CDH10: variants seen among roughly 807,000 people sequenced by gnomAD.
The protein encoded by CDH10 is cadherin 10.
In CDH10, 30 loss-of-function variants were observed where a neutral mutation model predicts 73.1. The ratio of observed to expected loss-of-function variants is 0.41; its 90% CI spans 0.31 to 0.56. CDH10 has a LOEUF of 0.56. CDH10 is among the 20% of genes least tolerant of loss of function. The pLI is 0.27. For missense variants in CDH10, 815 were observed against 973.7 expected (o/e 0.84, Z 2.17); for synonymous variants, 345 against 348.2 (o/e 0.99, Z 0.10).
chr5:24,518,413 T>C (rs1446181006), intron 5 of CDH10, among the ~76,000 whole-genome samples: 1 of 151,994 alleles, frequency 6.6e-6, no homozygotes, highest in Non-Finnish European at 1.5e-5. Context: ...ATACACATAT[T>C]CACATATGTA....
chr5:24,520,836 C>T (rs563328886), intron 5 of CDH10, among the ~76,000 whole-genome samples: 1 of 152,074 alleles, frequency 6.6e-6, no homozygotes, highest in Non-Finnish European at 1.5e-5. Flanking sequence ...AAGCAATTCT[C>T]CCATCTCAGT....
At position 24,530,747 on chromosome 5, in the gene CDH10, A is replaced by G. The variant is rs139396386; in HGVS notation, c.814+4365T>C. ...AGAGTAGAAAATACTTTTAGATATC[A>G]GGATTTAGGTATTAGATATTAGGAT... On this transcript the variant is annotated intron_variant, in intron 5 of 11. Transcript: ENST00000264463. Among the ~76,000 whole-genome samples, 4 of 152,146 alleles carry G rather than the reference A, an allele frequency of 2.6e-5. No homozygotes were observed. In the East Asian group the frequency reaches 5.8e-4, roughly 22 times the overall value.
chr5:24,589,837 C>T (rs1746140835), intron 2 of CDH10, among the ~76,000 whole-genome samples: 1 of 151,992 alleles, frequency 6.6e-6, no homozygotes, highest in South Asian at 2.1e-4. Flanking sequence ...TTTATAATCG[C>T]AATGTTCCTT....
chr5:24,555,576 T>TG (rs1744736733), intron 2 of CDH10, among the ~76,000 whole-genome samples: 1 of 152,122 alleles, frequency 6.6e-6, no homozygotes, highest in Admixed American at 6.6e-5. Flanking sequence ...GATCATATAG[T>TG]GGGTCAGTAT....
intron 5 of CDH10, among the ~76,000 whole-genome samples, chr5:24,518,487 G>C (rs1743191932): frequency 6.6e-6 from 1 of 152,000 alleles, no homozygotes; most frequent in Non-Finnish European, 1.5e-5. Context: ...GTAAATATAT[G>C]AGTGTATATA....
At chr5:24,599,541 A>G (rs1746490562) in intron 1 of CDH10, among the ~76,000 whole-genome samples, 2 of 152,210 alleles carry the variant, frequency 1.3e-5, no homozygotes, top group African/African-American at 4.8e-5. Context: ...TATGCACTTT[A>G]GTGTGTTCAA....
intron 5 of CDH10, among the ~76,000 whole-genome samples, chr5:24,521,173 C>T (rs946661202): frequency 1.1e-4 from 17 of 152,088 alleles, no homozygotes; most frequent in African/African-American, 3.4e-4. Context: ...TAGCTGAATC[C>T]GATCAACAAA....
chr5:24,531,649 T>A (rs1743757230), intron 5 of CDH10, among the ~76,000 whole-genome samples: 1 of 151,992 alleles, frequency 6.6e-6, no homozygotes, highest in Non-Finnish European at 1.5e-5. Context: ...TTATTCACTA[T>A]CACAAGAATA....
At chr5:24,605,685 A>G (rs1180784597) in intron 1 of CDH10, among the ~76,000 whole-genome samples, 1 of 152,244 alleles carries the variant, frequency 6.6e-6, no homozygotes, top group Non-Finnish European at 1.5e-5. Flanking sequence ...ATATGTACTA[A>G]TCATTTGATA....
At chr5:24,625,539 A>T (rs1218602892) in intron 1 of CDH10, among the ~76,000 whole-genome samples, 1 of 133,722 alleles carries the variant, frequency 7.5e-6, no homozygotes, top group Non-Finnish European at 1.6e-5. Flanking sequence ...CAATCTATTT[A>T]TCTATCTGTA....
chr5:24,610,799 C>T (rs1295107907), intron 1 of CDH10, among the ~76,000 whole-genome samples: 1 of 152,074 alleles, frequency 6.6e-6, no homozygotes, highest in Non-Finnish European at 1.5e-5. Flanking sequence ...AAAATGTAAA[C>T]AGGTTAGGGC....
chr5:24,546,290 A>G (rs955790456), intron 2 of CDH10, among the ~76,000 whole-genome samples: 8 of 152,134 alleles, frequency 5.3e-5, no homozygotes, highest in Admixed American at 5.2e-4. Context: ...TAAAATAAAA[A>G]TAAGATTCTT....
At chr5:24,608,354 G>C (rs550740372) in intron 1 of CDH10, among the ~76,000 whole-genome samples, 1 of 151,890 alleles carries the variant, frequency 6.6e-6, no homozygotes, top group African/African-American at 2.4e-5. Context: ...GTGTAGTGGC[G>C]CGATCTTGGC....
chr5:24,610,972 C>T (rs1746926523), intron 1 of CDH10, among the ~76,000 whole-genome samples: 1 of 152,118 alleles, frequency 6.6e-6, no homozygotes, highest in Non-Finnish European at 1.5e-5. Flanking sequence ...CTCTTTAGTA[C>T]CATCATTTGC....
chr5:24,619,431 G>C (rs1252586060), intron 1 of CDH10, among the ~76,000 whole-genome samples: 1 of 152,086 alleles, frequency 6.6e-6, no homozygotes, highest in African/African-American at 2.4e-5. Flanking sequence ...CTGACCTCGT[G>C]ATCTGCCCGC....
chr5:24,569,831 T>C (rs113194464), intron 2 of CDH10, among the ~76,000 whole-genome samples: 7,799 of 152,050 alleles, frequency 0.051, 251 homozygotes, highest in Middle Eastern at 0.11. Flanking sequence ...GGCGTGATCT[T>C]TGCTCACTGC....
At chr5:24,611,799 G>C (rs1430056227) in intron 1 of CDH10, 1 of 152,074 alleles carries the variant, frequency 6.6e-6, no homozygotes, top group Non-Finnish European at 1.5e-5. Flanking sequence ...CTTGCTAGGA[G>C]ACTCTCTATT....
intron 2 of CDH10, among the ~76,000 whole-genome samples, chr5:24,542,556 T>C (rs760156408): frequency 6.6e-6 from 1 of 152,090 alleles, no homozygotes. Flanking sequence ...TTATACCATC[T>C]AAGATTGTGT....
At chr5:24,507,150 A>G (rs577506090) in intron 7 of CDH10, among the ~76,000 whole-genome samples, 1 of 152,246 alleles carries the variant, frequency 6.6e-6, no homozygotes, top group South Asian at 2.1e-4. Flanking sequence ...CATGTCAAGT[A>G]TGATCCTTCC....
Sources: gnomAD v4.1 joint callset for allele counts (sites outside exome capture counted in the v4.1 genomes callset) on GRCh38, gnomAD v4.1.1 for gene constraint, MANE v1.5 for transcripts, NCBI Gene and HGNC (gene_info 2026-07-23, HGNC 2026-07-21) for gene names.